The following ABLIM1 variants were observed in gnomAD, a reference collection of about 807,000 sequenced individuals.
ABLIM1 encodes the protein actin binding LIM protein 1, also known as actin-binding LIM protein 1.
ABLIM1 carries 40 observed loss-of-function variants against 107.0 expected under a neutral mutation model. The observed-to-expected ratio is 0.37, with a 90% confidence interval of 0.29 to 0.49. The LOEUF is 0.49. Ranked by LOEUF, ABLIM1 falls within the 20% of genes least tolerant of loss-of-function variation. ABLIM1 has a pLI of 0.97. For missense variants in ABLIM1, 857 were observed against 1,008.5 expected, an observed-to-expected ratio of 0.85 and a Z score of 2.04; for synonymous variants, 357 against 357.3, an observed-to-expected ratio of 1.00 and a Z score of 0.01.
the ABLIM1 span, among the ~76,000 whole-genome samples, chr10:114,798,563 C>A: frequency 3.2e-5 from 4 of 125,914 alleles, no homozygotes; most frequent in African/African-American, 3.8e-5. Flanking sequence ...GAGACCCCCC[C>A]CCCATGTCTA....
At chr10:114,557,151 G>T (rs2068852908) in intron 4 of ABLIM1, among the ~76,000 whole-genome samples, 1 of 152,080 alleles carries the variant, frequency 6.6e-6, no homozygotes, top group African/African-American at 2.4e-5. Context: ...TACGAATAAT[G>T]GCTCGATGAT....
chr10:114,437,101 T>C lies in ABLIM1; in HGVS notation c.2224-728A>G, dbSNP rs376859832. Among the ~76,000 whole-genome samples, 50 of 152,116 alleles carry C rather than the reference T, an allele frequency of 3.3e-4. 1 individual carries two copies. In the South Asian group the frequency reaches 0.01, roughly 31 times the overall value. On this transcript the variant is annotated intron_variant, in intron 22 of 22. Transcript: ENST00000533213. Reference sequence around the variant, plus strand: ...AAGAAAGAAACTTGTCCAGTATAAATCAGTATAAATGTCTCTCCTGAGAGC... The same window carrying C: ...AAGAAAGAAACTTGTCCAGTATAAACCAGTATAAATGTCTCTCCTGAGAGC...
rs192496614 is a variant in ABLIM1, at chr10:114,762,312, C to T, written c.-213+5749G>A. On this transcript the variant is annotated intron_variant, in intron 1 of 15. Transcript: ENST00000651092. ...ACTCCCAAAGTGCTGGGATTACAGG[C>T]GTGAGCCACTGTGCCCGGCCAGGAT... Among the ~76,000 whole-genome samples the T allele has an allele frequency of 7.3e-4, 111 of 152,220 alleles. No homozygotes were observed. The East Asian group carries it at 0.014, about 19-fold the overall frequency.
At position 114,480,876 on chromosome 10, in the gene ABLIM1, C is replaced by T. The variant is rs190252002; in HGVS notation, c.1042-6920G>A. On this transcript the variant is annotated intron_variant, in intron 8 of 22. Coordinates refer to ENST00000533213, the MANE Select transcript of ABLIM1 (RefSeq NM_002313.7). ...CACACACACAAATAACAAAGAGATGCCTCATTAGAAGACTAGCAGTTCAAC... is the reference window on the plus strand; with the variant it reads ...CACACACACAAATAACAAAGAGATGTCTCATTAGAAGACTAGCAGTTCAAC... Among the ~76,000 whole-genome samples, 172 of 152,222 alleles carry T rather than the reference C, an allele frequency of 1.1e-3. 2 individuals are homozygous for T. Among genetic ancestry groups the T allele is most frequent in the Non-Finnish European group, 3.8e-4 (26 of 68,006 alleles).
intron 8 of ABLIM1, among the ~76,000 whole-genome samples, chr10:114,475,382 C>G (rs1292842196): frequency 6.6e-6 from 1 of 152,166 alleles, no homozygotes; most frequent in East Asian, 1.9e-4. Context: ...TAGTGTCATT[C>G]TTTTTTCCTT....
intron 14 of ABLIM1, among the ~76,000 whole-genome samples, chr10:114,448,646 C>T (rs2061412373): frequency 7.0e-6 from 1 of 142,544 alleles, no homozygotes. Flanking sequence ...CAGAGTCTCA[C>T]TCTGTCGCCC....
At chr10:114,545,774 A>G (rs747535835) in intron 5 of ABLIM1, among the ~76,000 whole-genome samples, 5 of 151,812 alleles carry the variant, frequency 3.3e-5, no homozygotes, top group Non-Finnish European at 5.9e-5. Flanking sequence ...TAAAAAAAAT[A>G]CAAAAATTAG....
Position 114,658,005 on chromosome 10 carries a change from T to C in ABLIM1, c.196A>G (p.Lys66Glu). 6.2e-7 allele frequency: 1 copy of C among 1,614,106 alleles called. No individual in the cohort carries two copies. Among genetic ancestry groups the C allele is most frequent in the Non-Finnish European group, 8.5e-7 (1 of 1,179,994 alleles). Residue 66 changes from lysine to glutamate, a missense_variant, in exon 1 of 23, where the codon AAG (lysine) becomes GAG (glutamate). Transcript: ENST00000533213. The stretch of plus-strand genomic sequence containing the variant: ...ACACGCCCACGTGGGCAGTAGTCCT[T>C]GGGACAGAGATACAGCAAATGAGTG... ...TITHLLYLCP[K>E]DYCPRGRVCN...
intron 1 of ABLIM1, among the ~76,000 whole-genome samples, chr10:114,759,139 C>CTTT (rs1235611101): frequency 2.0e-5 from 3 of 152,154 alleles, no homozygotes; most frequent in Non-Finnish European, 2.9e-5. Context: ...AATACAAAGG[C>CTTT]TTTTATAGGT....
intron 1 of ABLIM1, among the ~76,000 whole-genome samples, chr10:114,719,679 T>C (rs1412778386): frequency 6.6e-6 from 1 of 152,226 alleles, no homozygotes; most frequent in South Asian, 2.1e-4. Context: ...TGTGCTTTGC[T>C]GGATGATCCC....
intron 1 of ABLIM1, among the ~76,000 whole-genome samples, chr10:114,650,339 T>C (rs1283396511): frequency 2.0e-5 from 3 of 152,210 alleles, no homozygotes; most frequent in African/African-American, 7.2e-5. Flanking sequence ...AAGCCACTCT[T>C]AGTAAGATTC....
At chr10:114,607,976 A>G (rs2076539705) in intron 1 of ABLIM1, among the ~76,000 whole-genome samples, 2 of 152,244 alleles carry the variant, frequency 1.3e-5, no homozygotes, top group East Asian at 1.9e-4. Flanking sequence ...CCAACGCAAA[A>G]TGTTACTAAC....
the ABLIM1 span, among the ~76,000 whole-genome samples, chr10:114,798,556 A>AC: frequency 0.16 from 20,585 of 125,864 alleles, 2,454 homozygotes; most frequent in East Asian, 0.48. Context: ...AGATGATGAG[A>AC]CCCCCCCCCC....
At chr10:114,484,833 A>T (rs1454947568) in intron 8 of ABLIM1, among the ~76,000 whole-genome samples, 1 of 152,100 alleles carries the variant, frequency 6.6e-6, no homozygotes. Flanking sequence ...CTCCAAGACC[A>T]CTTCTCCCAG....
chr10:114,618,670 G>A (rs979304380), intron 1 of ABLIM1, among the ~76,000 whole-genome samples: 1 of 152,214 alleles, frequency 6.6e-6, no homozygotes, highest in African/African-American at 2.4e-5. Flanking sequence ...GAGAGGCAAG[G>A]CACAGGCCCT....
chr10:114,447,573 T>C (rs2061209011), intron 15 of ABLIM1, among the ~76,000 whole-genome samples: 1 of 152,236 alleles, frequency 6.6e-6, no homozygotes. Context: ...CACTCAACTA[T>C]GTTCAACAGA....
At chr10:114,622,002 C>T (rs187748738) in intron 1 of ABLIM1, among the ~76,000 whole-genome samples, 2 of 152,300 alleles carry the variant, frequency 1.3e-5, no homozygotes, top group East Asian at 3.9e-4. Flanking sequence ...GACTCCAATC[C>T]CCATCAGTCC....
At chr10:114,772,418 A>G (rs2083034776), upstream of ABLIM1, among the ~76,000 whole-genome samples, 1 of 152,014 alleles carries the variant, frequency 6.6e-6, no homozygotes, top group Non-Finnish European at 1.5e-5. Flanking sequence ...CCTGGACAAC[A>G]TGGCAAAACC....
At chr10:114,545,853 C>T (rs2067254145) in intron 5 of ABLIM1, among the ~76,000 whole-genome samples, 2 of 151,122 alleles carry the variant, frequency 1.3e-5, no homozygotes, top group Non-Finnish European at 1.5e-5. Context: ...ATTGCTTGAA[C>T]CCAGGAGGTG....
Sources: allele counts gnomAD v4.1 joint callset (sites outside exome capture counted in the v4.1 genomes callset), GRCh38; gene constraint gnomAD v4.1.1; transcripts MANE v1.5; gene names NCBI Gene and HGNC (gene_info 2026-07-23, HGNC 2026-07-21).